Variants in NEK5 observed in about 807,000 individuals in gnomAD.
The protein encoded by NEK5 is NIMA related kinase 5.
NEK5 carries 88 observed loss-of-function variants against 109.2 expected under a neutral mutation model. That is an observed-to-expected ratio of 0.81 (90% CI 0.68 to 0.96). The LOEUF (loss-of-function observed/expected upper bound fraction) is 0.96. Ranked by LOEUF, NEK5 falls within the 40% of genes least tolerant of loss-of-function variation. The probability of loss-of-function intolerance (pLI) is 0.00; values close to 1 mark genes in which losing one functional copy is unlikely to be tolerated. For synonymous variants in NEK5, 283 were observed against 299.9 expected, an observed-to-expected ratio of 0.94 and a Z score of 0.58; for missense variants, 834 against 920.7, an observed-to-expected ratio of 0.91 and a Z score of 1.22.
chr13:52,094,148 T>C (rs1955354205), intron 12 of NEK5, among the ~76,000 whole-genome samples: 1 of 152,126 alleles, frequency 6.6e-6, no homozygotes, highest in Admixed American at 6.5e-5. Context: ...GAACCAGAAA[T>C]GACAGTTTAT....
intron 23 of NEK5, among the ~76,000 whole-genome samples, chr13:52,047,632 G>C (rs552304625): frequency 6.6e-6 from 1 of 152,258 alleles, no homozygotes; most frequent in South Asian, 2.1e-4. Context: ...CTTGAGGCCA[G>C]GAGTTCAAGA....
At chr13:52,101,669 AG>A (rs201563876) in intron 11 of NEK5, among the ~76,000 whole-genome samples, 2,341 of 152,252 alleles carry the variant, frequency 0.015, 32 homozygotes, top group Non-Finnish European at 0.022. Flanking sequence ...AACCTCTTCA[AG>A]CATCTCTATT....
chr13:52,099,210 A>T lies in NEK5; in HGVS notation c.1026+533T>A, dbSNP rs916378495. On this transcript the variant is annotated intron_variant, in intron 12 of 23. Transcript: ENST00000684899. The stretch of plus-strand genomic sequence containing the variant: ...ATACACTTACTATGTACCCACAAAA[A>T]TTTTTTTTTTAATTAAAAAATTAAA... Among the ~76,000 whole-genome samples the T allele has an allele frequency of 1.8e-4, 27 of 150,918 alleles. 1 individual carries two copies. Among genetic ancestry groups the T allele is most frequent in the East Asian group, 1.9e-4 (1 of 5,170 alleles).
intron 11 of NEK5, among the ~76,000 whole-genome samples, chr13:52,100,088 A>G (rs1018739965): frequency 1.3e-5 from 2 of 152,198 alleles, no homozygotes; most frequent in Admixed American, 1.3e-4. Flanking sequence ...GTCCCTTTGC[A>G]TATTTCTAGT....
intron 4 of NEK5, among the ~76,000 whole-genome samples, chr13:52,112,842 G>A (rs1267826665): frequency 6.6e-6 from 1 of 151,934 alleles, no homozygotes; most frequent in East Asian, 1.9e-4. Flanking sequence ...ACTGACCTCT[G>A]CCTAAACCAC....
Position 52,061,221 on chromosome 13 carries a change from A to T in NEK5, c.2110+598T>A, listed in dbSNP as rs1307164681. Among the ~76,000 whole-genome samples, 3 of 152,292 alleles carry T rather than the reference A, an allele frequency of 2.0e-5. No individual in the cohort carries two copies. In the East Asian group the frequency reaches 5.8e-4, roughly 29 times the overall value. ...CGTAGATCTCTCACATGCACAGTTC[A>T]CAATAGGGTTCATGCTCCCATGAGA... On this transcript the variant is annotated intron_variant, in intron 22 of 23. Coordinates refer to ENST00000684899, the MANE Select transcript of NEK5 (RefSeq NM_001365552.1).
intron 23 of NEK5, among the ~76,000 whole-genome samples, chr13:52,049,890 C>G (rs1954489561): frequency 6.6e-6 from 1 of 152,080 alleles, no homozygotes; most frequent in Non-Finnish European, 1.5e-5. Flanking sequence ...TCAGGAGGTA[C>G]AATGGAAGCC....
intron 17 of NEK5, among the ~76,000 whole-genome samples, chr13:52,076,643 C>A (rs1309353274): frequency 6.6e-6 from 1 of 152,202 alleles, no homozygotes; most frequent in Non-Finnish European, 1.5e-5. Context: ...GCCATCTGCT[C>A]TTCTATTCCC....
In NEK5 at chr13:52,033,825, CAAT is replaced by C. The variant is rs1954331562; in HGVS notation, c.*3120_*3122del. On this transcript the variant is annotated 3_prime_UTR_variant, in exon 24 of 24. Coordinates refer to ENST00000684899, the MANE Select transcript of NEK5 (RefSeq NM_001365552.1). ...ACTCTGATATATTCATATATATTCA[CAAT>C]GAGAGGATGTCTGTGCCAAATCTGT... 6.6e-6 allele frequency: 1 copy of C among 152,116 alleles called. No individual in the cohort carries two copies. Among genetic ancestry groups the C allele is most frequent in the African/African-American group, 2.4e-5 (1 of 41,416 alleles). 9.4% of individuals were successfully genotyped at this position (152,116 alleles called of 1,614,324 possible). A position where few individuals can be genotyped will look rare whatever the true frequency, so the allele number is the denominator to read the frequency against.
At chr13:52,079,895 A>C (rs1954950100) in intron 17 of NEK5, among the ~76,000 whole-genome samples, 2 of 146,648 alleles carry the variant, frequency 1.4e-5, no homozygotes, top group African/African-American at 2.6e-5. Flanking sequence ...AGATGTGGGG[A>C]GCGCCTTTGC....
chr13:52,094,558 C>T (rs934155443), intron 12 of NEK5, among the ~76,000 whole-genome samples: 6 of 152,112 alleles, frequency 3.9e-5, no homozygotes, highest in Non-Finnish European at 5.9e-5. Flanking sequence ...CTGAGGCAGG[C>T]GGATCACGAG....
At chr13:52,088,311 G>A (rs61957215) in intron 14 of NEK5, among the ~76,000 whole-genome samples, 1 of 151,842 alleles carries the variant, frequency 6.6e-6, no homozygotes, top group South Asian at 2.1e-4. Context: ...CTAGAGTGCA[G>A]TAGGGCGATC....
At chr13:52,103,879 T>TA (rs1344083275) in intron 9 of NEK5, among the ~76,000 whole-genome samples, 8 of 152,336 alleles carry the variant, frequency 5.3e-5, no homozygotes, top group African/African-American at 1.9e-4. Context: ...AAAAGACTCT[T>TA]AAAAGCTTGT....
chr13:52,125,480 A>G (rs975388771), intron 3 of NEK5, among the ~76,000 whole-genome samples: 3 of 152,126 alleles, frequency 2.0e-5, no homozygotes, highest in Admixed American at 6.5e-5. Context: ...GGAGAATGGC[A>G]TGAACCTGGG....
chr13:52,061,005 G>A (rs373876346), intron 22 of NEK5, among the ~76,000 whole-genome samples: 8 of 152,278 alleles, frequency 5.3e-5, no homozygotes, highest in East Asian at 3.9e-4. Context: ...AATTATAGGC[G>A]TGAGCCATTA....
chr13:52,065,672 C>T, intron 20 of NEK5, 63 bp from the exon 21 acceptor site: 8 of 1,226,796 alleles, frequency 6.5e-6, no homozygotes, highest in Non-Finnish European at 9.5e-6. Context: ...TTGTCCCAAA[C>T]ACTTCTTAGG....
At chr13:52,059,886 A>G (rs1053473876) in intron 22 of NEK5, among the ~76,000 whole-genome samples, 2 of 152,132 alleles carry the variant, frequency 1.3e-5, no homozygotes, top group African/African-American at 4.8e-5. Context: ...GCACACCAGC[A>G]TGGCACATGT....
chr13:52,094,107 C>G (rs1369685617), intron 12 of NEK5, among the ~76,000 whole-genome samples: 1 of 152,130 alleles, frequency 6.6e-6, no homozygotes, highest in Non-Finnish European at 1.5e-5. Flanking sequence ...CCCTCACCAC[C>G]CTTCCCAACC....
intron 17 of NEK5, among the ~76,000 whole-genome samples, chr13:52,076,427 C>T (rs950114086): frequency 1.3e-5 from 2 of 152,164 alleles, no homozygotes; most frequent in African/African-American, 4.8e-5. Context: ...ACTACAGGAT[C>T]TTTCCCTTAA....
Sources: gnomAD v4.1 joint callset for allele counts (sites outside exome capture counted in the v4.1 genomes callset) on GRCh38, gnomAD v4.1.1 for gene constraint, MANE v1.5 for transcripts, NCBI Gene and HGNC (gene_info 2026-07-23, HGNC 2026-07-21) for gene names.